The following LRP1B variants were observed in gnomAD, a reference collection of about 807,000 sequenced individuals.
The protein encoded by LRP1B is low-density lipoprotein receptor-related protein 1B.
A neutral mutation model predicts 556.6 loss-of-function variants in LRP1B; 217 were observed. That is an observed-to-expected ratio of 0.39 (90% CI 0.35 to 0.44). The LOEUF is 0.44. LRP1B is among the 20% of genes least tolerant of loss of function. The pLI is 1.00. For synonymous variants in LRP1B, 2,047 were observed against 1,865.8 expected (o/e 1.10, Z -2.50); for missense variants, 5,053 against 5,620.8 (o/e 0.90, Z 3.23).
At chr2:140,310,262 A>C (rs940019042) in intron 83 of LRP1B, among the ~76,000 whole-genome samples, 3 of 151,726 alleles carry the variant, frequency 2.0e-5, no homozygotes, top group Admixed American at 6.6e-5. Flanking sequence ...TATATTCTCT[A>C]TTTTGTGTTT....
rs769944381 is a variant in LRP1B, at chr2:141,049,070, A to C, written c.1705T>G (p.Tyr569Asp). 3.1e-6 allele frequency: 5 copies of C among 1,613,524 alleles called. No homozygotes were observed. The Admixed American group carries it at 5.0e-5, about 16-fold the overall frequency. Residue 569 changes from tyrosine to aspartate, a missense_variant, in exon 11 of 91, where the codon TAC (tyrosine) becomes GAC (aspartate). By Grantham distance (160) the Tyr-to-Asp change is radical. Coordinates refer to ENST00000389484, the MANE Select transcript of LRP1B (RefSeq NM_018557.3). Reference sequence around the variant, plus strand: ...CTGGTGGTGTCAGCAAAGTAGATGTAATTGGTTTCTGCGTGAAAGTCTAAA... The same window carrying C: ...CTGGTGGTGTCAGCAAAGTAGATGTCATTGGTTTCTGCGTGAAAGTCTAAA... The part of the protein sequence containing the change: ...RALDFHAETN[Y>D]IYFADTTSFL...
At chr2:141,039,461 G>C (rs1231431814) in intron 11 of LRP1B, among the ~76,000 whole-genome samples, 1 of 151,942 alleles carries the variant, frequency 6.6e-6, no homozygotes. Flanking sequence ...TATCCACTGA[G>C]GGTTTTTGAA....
chr2:141,894,831 C>T (rs1574471317), intron 1 of LRP1B, among the ~76,000 whole-genome samples: 1 of 151,940 alleles, frequency 6.6e-6, no homozygotes, highest in South Asian at 2.1e-4. Flanking sequence ...AGACAGATCA[C>T]TTTAAGTTGG....
intron 84 of LRP1B, among the ~76,000 whole-genome samples, chr2:140,296,880 AT>A (rs1263597621): frequency 1.3e-5 from 2 of 152,178 alleles, no homozygotes; most frequent in Non-Finnish European, 2.9e-5. Context: ...AAATAGAAGA[AT>A]TGTGGACAAC....
chr2:140,779,713 A>AG (rs1689625787), intron 32 of LRP1B, among the ~76,000 whole-genome samples: 3 of 143,016 alleles, frequency 2.1e-5, no homozygotes, highest in African/African-American at 7.9e-5. Context: ...AAAAAAAAAA[A>AG]AGTGTGTGTG....
intron 41 of LRP1B, among the ~76,000 whole-genome samples, chr2:140,664,649 A>G (rs754255891): frequency 1.3e-5 from 2 of 152,132 alleles, no homozygotes; most frequent in African/African-American, 2.4e-5. Context: ...TAATATAAAC[A>G]GGAACTTTTG....
At position 140,382,857 on chromosome 2, in the gene LRP1B, C is replaced by T. The variant is rs188438520; in HGVS notation, c.10531+3036G>A. On this transcript the variant is annotated intron_variant, in intron 67 of 90. Transcript: ENST00000389484. ...ACATAATAACATTTCCAACAACATA[C>T]AGTGGTGGTGCCATAAATTATAATA... 2.6e-5 allele frequency among the ~76,000 whole-genome samples: 4 copies of T among 152,258 alleles called. 1 individual carries two copies. In the South Asian group the frequency reaches 6.2e-4, roughly 24 times the overall value.
chr2:140,959,759 A>G (rs1367229692), intron 18 of LRP1B, among the ~76,000 whole-genome samples: 1 of 151,786 alleles, frequency 6.6e-6, no homozygotes, highest in Non-Finnish European at 1.5e-5. Flanking sequence ...CTACAACACT[A>G]CAACTTCCAA....
intron 2 of LRP1B, among the ~76,000 whole-genome samples, chr2:141,648,548 C>A (rs1246398951): frequency 2.0e-5 from 3 of 152,096 alleles, no homozygotes; most frequent in East Asian, 1.9e-4. Flanking sequence ...CATCTTATTT[C>A]TTTGTATATT....
At chr2:141,219,908 A>G (rs1017656815) in intron 6 of LRP1B, among the ~76,000 whole-genome samples, 6 of 152,240 alleles carry the variant, frequency 3.9e-5, no homozygotes, top group African/African-American at 1.2e-4. Flanking sequence ...GACAAAAAAG[A>G]CCCCATAAAA....
intron 1 of LRP1B, among the ~76,000 whole-genome samples, chr2:142,116,208 A>G (rs1006704846): frequency 5.4e-4 from 79 of 146,262 alleles, no homozygotes; most frequent in Admixed American, 5.2e-3. Context: ...AAAAAAAAAA[A>G]AAAAAAAGAA....
At chr2:141,311,216 G>T (rs754935465) in intron 3 of LRP1B, among the ~76,000 whole-genome samples, 2 of 152,016 alleles carry the variant, frequency 1.3e-5, no homozygotes, top group African/African-American at 4.8e-5. Context: ...TATATTTTTG[G>T]TACCTCTGTG....
chr2:140,470,601 C>T (rs938048820), intron 60 of LRP1B, among the ~76,000 whole-genome samples: 1 of 128,578 alleles, frequency 7.8e-6, no homozygotes, highest in Non-Finnish European at 1.6e-5. Context: ...GCCAAGATAG[C>T]GCCACTGCAG....
intron 1 of LRP1B, among the ~76,000 whole-genome samples, chr2:141,838,416 G>A (rs1697362506): frequency 6.6e-6 from 1 of 152,076 alleles, no homozygotes; most frequent in Admixed American, 6.6e-5. Context: ...GCATCTCTCA[G>A]CTATTTAGTG....
At chr2:141,365,671 G>GGTTTTTTTTTTTTTTTTTGGC (rs1573862238) in intron 3 of LRP1B, among the ~76,000 whole-genome samples, 1 of 72,920 alleles carries the variant, frequency 1.4e-5, no homozygotes, top group African/African-American at 5.4e-5. Flanking sequence ...TTTTTTTTTT[G>GGTTTTTTTTTTTTTTTTTGGC]AGACAGAGTC....
At position 141,822,134 on chromosome 2, in the gene LRP1B, G is replaced by C. The variant is rs372879722; in HGVS notation, c.83-11733C>G. The stretch of plus-strand genomic sequence containing the variant: ...ACACACACACACACACACACACAGA[G>C]AGAGAGAGAGAGAGAGAGAGAGATA... On this transcript the variant is annotated intron_variant, in intron 1 of 90. Transcript: ENST00000389484. Among the ~76,000 whole-genome samples, 652 of 132,682 alleles carry C rather than the reference G, an allele frequency of 4.9e-3. 4 individuals carry two copies. Among genetic ancestry groups the C allele is most frequent in the Middle Eastern group, 0.012 (3 of 250 alleles). 87.0% of individuals were successfully genotyped at this position (132,682 alleles called of 152,430 possible). A position where few individuals can be genotyped will look rare whatever the true frequency, so the allele number is the denominator to read the frequency against.
At chr2:142,086,313 C>T (rs532956844) in intron 1 of LRP1B, among the ~76,000 whole-genome samples, 3 of 152,184 alleles carry the variant, frequency 2.0e-5, no homozygotes, top group South Asian at 4.1e-4. Context: ...GACAGGAAAA[C>T]ATTTCTAGCA....
chr2:142,125,795 T>C (rs1285167534), intron 1 of LRP1B, among the ~76,000 whole-genome samples: 1 of 151,884 alleles, frequency 6.6e-6, no homozygotes, highest in South Asian at 2.1e-4. Flanking sequence ...TCCCTTGACA[T>C]TTTTCTGTTT....
At chr2:141,531,976 A>C (rs934953642) in intron 2 of LRP1B, among the ~76,000 whole-genome samples, 1 of 152,122 alleles carries the variant, frequency 6.6e-6, no homozygotes, top group Non-Finnish European at 1.5e-5. Flanking sequence ...TAGAAAAGTC[A>C]CTGTTTGTGC....
Sources: allele counts gnomAD v4.1 joint callset (sites outside exome capture counted in the v4.1 genomes callset), GRCh38; gene constraint gnomAD v4.1.1; transcripts MANE v1.5; gene names NCBI Gene and HGNC (gene_info 2026-07-23, HGNC 2026-07-21).